Variants in FGF9 observed in about 807,000 individuals in gnomAD.
FGF9 encodes fibroblast growth factor 9.
In FGF9, 3 loss-of-function variants were observed where a neutral mutation model predicts 19.9. The ratio of observed to expected loss-of-function variants is 0.15; its 90% CI spans 0.07 to 0.39. The LOEUF (loss-of-function observed/expected upper bound fraction) is 0.39. Among genes scored for constraint, FGF9 ranks in the 10% least tolerant of loss-of-function variants. FGF9 has a pLI of 1.00. For synonymous variants in FGF9, 107 were observed against 106.9 expected (o/e 1.00, Z -0.01); for missense variants, 175 against 256.8 (o/e 0.68, Z 2.18).
chr13:21,679,956 C>CAA (rs551705351), intron 1 of FGF9, among the ~76,000 whole-genome samples: 82 of 56,612 alleles, frequency 1.4e-3, no homozygotes, highest in African/African-American at 4.0e-3. Context: ...GACTCCATCT[C>CAA]AAAAAAAAAA....
intron 2 of FGF9, among the ~76,000 whole-genome samples, chr13:21,687,535 C>G (rs1872189743): frequency 6.6e-6 from 1 of 152,176 alleles, no homozygotes; most frequent in Admixed American, 6.5e-5. Flanking sequence ...AAGATGCTCC[C>G]TGACTGAGAC....
rs756744215 is a variant in FGF9, at chr13:21,672,030, T to G, written c.118T>G (p.Ser40Ala). Reference sequence around the variant, plus strand: ...TTTGTTAAGTGACCACCTGGGTCAGTCCGAAGCAGGGGGGCTCCCCAGGGG... The same window carrying G: ...TTTGTTAAGTGACCACCTGGGTCAGGCCGAAGCAGGGGGGCTCCCCAGGGG... The part of the protein sequence containing the change: ...PVLLSDHLGQ[S>A]EAGGLPRGPA... The change falls in exon 1 of 3, where the codon TCC becomes GCC. Residue 40 changes from serine to alanine, a missense_variant. Transcript: ENST00000382353. The surrounding 1 kb of genome is among the most constrained non-coding windows in gnomAD (Gnocchi z 4.2). 5 of 1,614,212 alleles carry G rather than the reference T, an allele frequency of 3.1e-6. No homozygotes were observed. The highest frequency in any genetic ancestry group is 4.2e-6 in the Non-Finnish European group (5 of 1,180,030).
chr13:21,690,105 G>A (rs551331244), intron 2 of FGF9, among the ~76,000 whole-genome samples: 1 of 152,310 alleles, frequency 6.6e-6, no homozygotes, highest in South Asian at 2.1e-4. Context: ...GGTTCCCTGA[G>A]TTAATACTGC....
intron 2 of FGF9, among the ~76,000 whole-genome samples, chr13:21,700,623 A>G (rs144933950): frequency 9.7e-4 from 148 of 152,344 alleles, no homozygotes; most frequent in African/African-American, 3.4e-3. Flanking sequence ...GTACTTTATA[A>G]AATATATACT....
At chr13:21,693,047 A>G (rs953132864) in intron 2 of FGF9, among the ~76,000 whole-genome samples, 2 of 152,186 alleles carry the variant, frequency 1.3e-5, no homozygotes, top group African/African-American at 4.8e-5. Flanking sequence ...GTCATCAGAG[A>G]CGGTCTCTCA....
intron 2 of FGF9, among the ~76,000 whole-genome samples, chr13:21,699,811 G>A (rs566296786): frequency 2.0e-5 from 3 of 152,086 alleles, no homozygotes; most frequent in Admixed American, 1.3e-4. Flanking sequence ...TATATAAGGC[G>A]CCAGGTAGGT....
At chr13:21,681,881 C>T (rs141822486) in intron 2 of FGF9, among the ~76,000 whole-genome samples, 77 of 152,256 alleles carry the variant, frequency 5.1e-4, no homozygotes, top group Admixed American at 1.5e-3. Context: ...GTGTGTGGTA[C>T]GCAGCAGGGA....
intron 2 of FGF9, 23 bp from the exon 3 acceptor site, chr13:21,701,167 T>C (rs1255028213): frequency 1.2e-6 from 2 of 1,608,546 alleles, no homozygotes; most frequent in South Asian, 1.1e-5. Flanking sequence ...TTCCTAATGC[T>C]CTCCCTCTTT....
At chr13:21,695,163 T>G (rs1277121383) in intron 2 of FGF9, among the ~76,000 whole-genome samples, 3 of 152,046 alleles carry the variant, frequency 2.0e-5, no homozygotes. Context: ...AGTTCCCAAA[T>G]ATTGACGTAA....
chr13:21,692,337 T>C (rs1872312252), intron 2 of FGF9, among the ~76,000 whole-genome samples: 1 of 152,222 alleles, frequency 6.6e-6, no homozygotes, highest in Admixed American at 6.5e-5. Context: ...ATTTTTCTTC[T>C]GGTTGTGTTG....
At chr13:21,689,534 G>A (rs1368611256) in intron 2 of FGF9, among the ~76,000 whole-genome samples, 1 of 152,132 alleles carries the variant, frequency 6.6e-6, no homozygotes, top group Non-Finnish European at 1.5e-5. Flanking sequence ...AGAGCTGGAG[G>A]AGTTGACATG....
intron 2 of FGF9, among the ~76,000 whole-genome samples, chr13:21,690,847 T>C (rs1183464086): frequency 6.6e-6 from 1 of 152,220 alleles, no homozygotes; most frequent in Non-Finnish European, 1.5e-5. Context: ...GTAGAAAACA[T>C]CCTCAGTGTA....
intron 2 of FGF9, among the ~76,000 whole-genome samples, chr13:21,693,491 G>T (rs1271366776): frequency 6.6e-6 from 1 of 152,174 alleles, no homozygotes; most frequent in Non-Finnish European, 1.5e-5. Context: ...GATCTTCAGG[G>T]TGCGTTTTCT....
At position 21,671,869 on chromosome 13, in the gene FGF9, C is replaced by T. The variant is rs1172071318; in HGVS notation, c.-44C>T. The T allele has an allele frequency of 6.2e-7, 1 of 1,611,860 alleles. No homozygotes were observed. The highest frequency in any genetic ancestry group is 8.5e-7 in the Non-Finnish European group (1 of 1,178,260). ...CGCCTAATATCTCCTGGGTTGACAC[C>T]ATCATTATTGTTTATTCTTGTGCTC... On this transcript the variant is annotated 5_prime_UTR_variant, in exon 1 of 3. Coordinates refer to ENST00000382353, the MANE Select transcript of FGF9 (RefSeq NM_002010.3).
intron 1 of FGF9, among the ~76,000 whole-genome samples, chr13:21,674,873 A>G (rs1321559532): frequency 2.0e-5 from 3 of 151,570 alleles, no homozygotes; most frequent in Non-Finnish European, 4.4e-5. Context: ...GCGGATGAGG[A>G]CAGCGGCGGG....
At chr13:21,690,964 T>G (rs17070427) in intron 2 of FGF9, among the ~76,000 whole-genome samples, 4,816 of 152,330 alleles carry the variant, frequency 0.032, 105 homozygotes, top group South Asian at 0.056. Flanking sequence ...TGATGTTAAT[T>G]AATCAGCAAC....
rs17840897 is a variant in FGF9, at chr13:21,693,272, G to A, written c.382-7918G>A. ...TCCCGAGAAATCGGGGCTGATGTGA[G>A]TATAGTGGGGGCTAGGAGTTGGGGC... On this transcript the variant is annotated intron_variant, in intron 2 of 2. Transcript: ENST00000382353. 1.1e-3 allele frequency among the ~76,000 whole-genome samples: 170 copies of A among 152,270 alleles called. 1 individual carries two copies. Among genetic ancestry groups the A allele is most frequent in the African/African-American group, 3.9e-3 (164 of 41,564 alleles).
At position 21,672,416 on chromosome 13, in the gene FGF9, C is replaced by G. The variant is rs1871791118; in HGVS notation, c.277+227C>G. On this transcript the variant is annotated intron_variant, in intron 1 of 2. Transcript: ENST00000382353. The surrounding 1 kb of genome is among the most constrained non-coding windows in gnomAD (Gnocchi z 4.2). The stretch of plus-strand genomic sequence containing the variant: ...GATGCAAGTATACACTGAAAGGCCC[C>G]CTACTTTTAATTTAAAGGGGGGCAT... Among the ~76,000 whole-genome samples the G allele has an allele frequency of 6.6e-6, 1 of 152,134 alleles. No homozygotes were observed. Among genetic ancestry groups the G allele is most frequent in the South Asian group, 2.1e-4 (1 of 4,824 alleles).
At chr13:21,673,018 C>CT (rs1871805754) in intron 1 of FGF9, among the ~76,000 whole-genome samples, 1 of 152,216 alleles carries the variant, frequency 6.6e-6, no homozygotes, top group South Asian at 2.1e-4. Context: ...GCACTGAGGG[C>CT]TGCAGACTCG....
Sources: gnomAD v4.1 joint callset for allele counts (sites outside exome capture counted in the v4.1 genomes callset) on GRCh38, gnomAD v4.1.1 for gene constraint, Gnocchi (gnomAD v3.1) non-coding constraint, MANE v1.5 for transcripts, NCBI Gene and HGNC (gene_info 2026-07-23, HGNC 2026-07-21) for gene names.